EDAR: variants seen among roughly 807,000 people sequenced by gnomAD.
EDAR encodes tumor necrosis factor receptor superfamily member EDAR.
Under a neutral mutation model 51.3 loss-of-function variants are expected in EDAR, and 38 were observed. The ratio of observed to expected loss-of-function variants is 0.74; its 90% confidence interval spans 0.57 to 0.97. The LOEUF is 0.97. EDAR is among the 50% of genes least tolerant of loss of function. EDAR has a pLI of 0.00. For synonymous variants in EDAR, 227 were observed against 242.1 expected, an observed-to-expected ratio of 0.94 and a Z score of 0.58; for missense variants, 528 against 595.0, an observed-to-expected ratio of 0.89 and a Z score of 1.17.
At chr2:108,967,311 A>G (rs1698164949) in intron 1 of EDAR, among the ~76,000 whole-genome samples, 1 of 152,192 alleles carries the variant, frequency 6.6e-6, no homozygotes, top group Non-Finnish European at 1.5e-5. Context: ...CAGGAAAAAA[A>G]CATGAAGAAT....
intron 4 of EDAR, 57 bp downstream of exon 4, chr2:108,929,132 GCCCGTAGCC>G: frequency 6.3e-7 from 1 of 1,584,496 alleles, no homozygotes; most frequent in Non-Finnish European, 8.6e-7. Flanking sequence ...CAAGGTCCTT[GCCCGTAGCC>G]CCTCGGGGTT....
chr2:108,932,549 A>AAAAG (rs1697386572), intron 1 of EDAR, among the ~76,000 whole-genome samples: 2 of 151,126 alleles, frequency 1.3e-5, no homozygotes, highest in African/African-American at 2.4e-5. Flanking sequence ...AAAAAAAAAA[A>AAAAG]AAAGAAAGAA....
At chr2:108,948,719 T>C (rs1270342955) in intron 1 of EDAR, among the ~76,000 whole-genome samples, 3 of 152,098 alleles carry the variant, frequency 2.0e-5, no homozygotes, top group Non-Finnish European at 2.9e-5. Context: ...GGAAAACTGC[T>C]CCCATGATCC....
chr2:108,936,667 C>T (rs776854252), intron 1 of EDAR, among the ~76,000 whole-genome samples: 6 of 152,268 alleles, frequency 3.9e-5, no homozygotes, highest in East Asian at 1.9e-4. Flanking sequence ...GTAGGGAGCC[C>T]GCAAGGTCAC....
intron 1 of EDAR, among the ~76,000 whole-genome samples, chr2:108,983,678 G>A (rs749775562): frequency 2.6e-5 from 4 of 152,176 alleles, no homozygotes; most frequent in Non-Finnish European, 5.9e-5. Context: ...TTCCAGATAC[G>A]AGGAAGGAAA....
chr2:108,912,578 G>A (rs955976662), intron 6 of EDAR, 100 bp downstream of exon 6: 17 of 1,159,436 alleles, frequency 1.5e-5, no homozygotes, highest in Admixed American at 9.9e-5. Flanking sequence ...GTGGGGAAGC[G>A]CACCATAATC....
intron 1 of EDAR, among the ~76,000 whole-genome samples, chr2:108,968,196 C>T (rs1416196750): frequency 6.6e-6 from 1 of 152,136 alleles, no homozygotes; most frequent in Non-Finnish European, 1.5e-5. Flanking sequence ...GTGGGGTCCA[C>T]ATACCAGCTG....
At chr2:108,960,205 G>A (rs948327016) in intron 1 of EDAR, among the ~76,000 whole-genome samples, 2 of 152,154 alleles carry the variant, frequency 1.3e-5, no homozygotes, top group South Asian at 2.1e-4. Flanking sequence ...AGTTCTCCCC[G>A]GGGCTGCAGT....
intron 1 of EDAR, among the ~76,000 whole-genome samples, chr2:108,979,073 T>G (rs1016304939): frequency 6.6e-6 from 1 of 152,222 alleles, no homozygotes; most frequent in Non-Finnish European, 1.5e-5. Flanking sequence ...AAACATTCAG[T>G]GTTGTGGAAA....
intron 1 of EDAR, among the ~76,000 whole-genome samples, chr2:108,966,870 T>C (rs1352731328): frequency 6.6e-6 from 1 of 152,064 alleles, no homozygotes; most frequent in Non-Finnish European, 1.5e-5. Context: ...CATGATGAAG[T>C]GAAAGGGAGA....
chr2:108,899,525 G>C (rs545137533), intron 11 of EDAR, among the ~76,000 whole-genome samples: 7 of 152,190 alleles, frequency 4.6e-5, no homozygotes, highest in Non-Finnish European at 8.8e-5. Context: ...ACATACAATA[G>C]ACTTTCCTTC....
chr2:108,968,803 C>G (rs1055075811), intron 1 of EDAR, among the ~76,000 whole-genome samples: 1 of 152,210 alleles, frequency 6.6e-6, no homozygotes, highest in African/African-American at 2.4e-5. Context: ...CTCAGGCCTG[C>G]CTGAGATGAT....
intron 1 of EDAR, among the ~76,000 whole-genome samples, chr2:108,959,307 G>GATGGAGAGATGACCTGGTGT (rs1461658709): frequency 6.6e-6 from 1 of 152,220 alleles, no homozygotes; most frequent in Non-Finnish European, 1.5e-5. Flanking sequence ...CAGCCTGGTG[G>GATGGAGAGATGACCTGGTGT]ATGGAGAGAT....
intron 1 of EDAR, among the ~76,000 whole-genome samples, chr2:108,980,015 C>T (rs1227244522): frequency 6.7e-6 from 1 of 149,758 alleles, no homozygotes; most frequent in African/African-American, 2.5e-5. Flanking sequence ...ATGCATTCAC[C>T]TCTCAAGCTT....
chr2:108,950,540 C>T (rs1448685070), intron 1 of EDAR, among the ~76,000 whole-genome samples: 2 of 152,186 alleles, frequency 1.3e-5, no homozygotes, highest in East Asian at 1.9e-4. Context: ...ATTGTTTATT[C>T]GTTCATATTC....
At chr2:108,924,564 A>G (rs2105434228) in intron 4 of EDAR, among the ~76,000 whole-genome samples, 1 of 152,294 alleles carries the variant, frequency 6.6e-6, no homozygotes. Flanking sequence ...TTTATTAGCC[A>G]GGCCCCATGG....
rs138958667 is a variant in EDAR, at chr2:108,956,787, T to C, written c.-18-25755A>G. Among the ~76,000 whole-genome samples, 856 of 126,768 alleles carry C rather than the reference T, an allele frequency of 6.8e-3. 3 individuals carry two copies. The highest frequency in any genetic ancestry group is 9.4e-3 in the Non-Finnish European group (625 of 66,772). 83.2% of individuals were successfully genotyped at this position (126,768 alleles called of 152,430 possible). On this transcript the variant is annotated intron_variant, in intron 1 of 11. Transcript: ENST00000258443. ...CAGCAGGAAAGGCGAAAGCTCTCTT[T>C]TTTTTTTTGTTTTTTTTGAGACAGA... is the stretch of plus-strand genomic sequence containing the variant.
intron 1 of EDAR, among the ~76,000 whole-genome samples, chr2:108,967,017 C>T (rs945620418): frequency 3.9e-5 from 6 of 152,230 alleles, no homozygotes; most frequent in African/African-American, 1.4e-4. Context: ...CCACTGAAAC[C>T]TCTGCTTCCC....
At chr2:108,933,670 G>A (rs1173495528) in intron 1 of EDAR, among the ~76,000 whole-genome samples, 1 of 152,192 alleles carries the variant, frequency 6.6e-6, no homozygotes, top group Admixed American at 6.5e-5. Flanking sequence ...AACACTAAAT[G>A]GACTGAGGCA....
Sources: gnomAD v4.1 joint callset for allele counts (sites outside exome capture counted in the v4.1 genomes callset) on GRCh38, gnomAD v4.1.1 for gene constraint, MANE v1.5 for transcripts, NCBI Gene and HGNC (gene_info 2026-07-23, HGNC 2026-07-21) for gene names.